Variants in SPAG16 observed in about 807,000 individuals in gnomAD.
SPAG16 encodes sperm associated antigen 16.
SPAG16 carries 86 observed loss-of-function variants against 80.4 expected under a neutral mutation model. That is an observed-to-expected ratio of 1.07 (90% CI 0.90 to 1.28). SPAG16 has a LOEUF of 1.28. Ranked by LOEUF, SPAG16 falls within the 50% of genes most tolerant of loss-of-function variation. SPAG16 has a pLI of 0.00. For synonymous variants in SPAG16, 294 were observed against 265.9 expected (o/e 1.11, Z -1.03); for missense variants, 870 against 765.3 (o/e 1.14, Z -1.61).
intron 15 of SPAG16, among the ~76,000 whole-genome samples, chr2:214,379,828 TAACA>T (rs58271674): frequency 0.31 from 46,715 of 151,898 alleles, 9,936 homozygotes; most frequent in African/African-American, 0.61. Context: ...TGCAGAGGAC[TAACA>T]AACACCAAAG....
In SPAG16 at chr2:213,947,383, AT is replaced by A. The variant is rs547315790; in HGVS notation, c.1400+17240del. The stretch of plus-strand genomic sequence containing the variant: ...ACTATCAGTATTTCTTATCTTCTCT[AT>A]TCTAACGTGTGGTGGTATCTCATAA... On this transcript the variant is annotated intron_variant, in intron 12 of 15. Transcript: ENST00000331683. 9.6e-3 allele frequency among the ~76,000 whole-genome samples: 1,456 copies of A among 152,226 alleles called. 12 individuals carry two copies. Among genetic ancestry groups the A allele is most frequent in the Middle Eastern group, 0.02 (6 of 294 alleles).
At chr2:214,365,734 A>T (rs1699437109) in intron 15 of SPAG16, among the ~76,000 whole-genome samples, 1 of 152,148 alleles carries the variant, frequency 6.6e-6, no homozygotes, top group African/African-American at 2.4e-5. Flanking sequence ...ACATTCAAAA[A>T]CAGGGTTGTA....
At chr2:213,824,457 A>G (rs1002041472) in intron 10 of SPAG16, among the ~76,000 whole-genome samples, 3 of 152,026 alleles carry the variant, frequency 2.0e-5, no homozygotes, top group African/African-American at 7.2e-5. Flanking sequence ...TGTTCTGCAT[A>G]TGGATATTCA....
intron 9 of SPAG16, among the ~76,000 whole-genome samples, chr2:213,405,904 GA>G (rs2068585140): frequency 6.6e-6 from 1 of 152,200 alleles, no homozygotes; most frequent in African/African-American, 2.4e-5. Context: ...GGGAGGATAA[GA>G]GAAAGCAAAA....
At chr2:214,368,911 A>G (rs1699649620) in intron 15 of SPAG16, among the ~76,000 whole-genome samples, 1 of 152,004 alleles carries the variant, frequency 6.6e-6, no homozygotes, top group Non-Finnish European at 1.5e-5. Context: ...ACTCTCTTTC[A>G]TATCCCCTTA....
intron 10 of SPAG16, among the ~76,000 whole-genome samples, chr2:213,608,149 T>C (rs1574476831): frequency 1.3e-5 from 2 of 152,134 alleles, no homozygotes; most frequent in South Asian, 4.1e-4. Context: ...TTCACAACCA[T>C]GATAGATATT....
At chr2:213,932,728 A>G (rs1226449983) in intron 12 of SPAG16, among the ~76,000 whole-genome samples, 1 of 152,120 alleles carries the variant, frequency 6.6e-6, no homozygotes, top group Non-Finnish European at 1.5e-5. Flanking sequence ...CTCACCAAAA[A>G]GTTGGATCAC....
At chr2:214,071,821 T>A (rs1384192966) in intron 13 of SPAG16, among the ~76,000 whole-genome samples, 1 of 152,140 alleles carries the variant, frequency 6.6e-6, no homozygotes, top group Non-Finnish European at 1.5e-5. Flanking sequence ...ACACAATTTT[T>A]GCCTTATTCT....
chr2:214,295,390 T>A (rs752153592), intron 15 of SPAG16, among the ~76,000 whole-genome samples: 3 of 152,134 alleles, frequency 2.0e-5, no homozygotes, highest in African/African-American at 2.4e-5. Context: ...TAGCATTTAT[T>A]AAGCGTATTT....
intron 10 of SPAG16, among the ~76,000 whole-genome samples, chr2:213,615,150 C>G (rs2061551505): frequency 1.3e-5 from 2 of 152,166 alleles, no homozygotes; most frequent in Non-Finnish European, 2.9e-5. Context: ...TACAGTTATT[C>G]TACTGAGATG....
chr2:213,880,874 A>G (rs1280353067), intron 11 of SPAG16, among the ~76,000 whole-genome samples: 2 of 152,158 alleles, frequency 1.3e-5, no homozygotes, highest in African/African-American at 2.4e-5. Context: ...TGGTTACTGT[A>G]GCTGTTCAGT....
chr2:214,348,826 ATATGG>A (rs1223996593), intron 15 of SPAG16, among the ~76,000 whole-genome samples: 1 of 152,192 alleles, frequency 6.6e-6, no homozygotes, highest in Non-Finnish European at 1.5e-5. Context: ...AGCTATAAGA[ATATGG>A]TAGTGGGTAT....
intron 10 of SPAG16, among the ~76,000 whole-genome samples, chr2:213,853,754 G>A (rs1478788420): frequency 6.6e-6 from 1 of 152,178 alleles, no homozygotes; most frequent in Admixed American, 6.5e-5. Context: ...TGACTTTGTG[G>A]CACTTAGGGC....
chr2:213,949,315 T>C (rs13397843), intron 12 of SPAG16, among the ~76,000 whole-genome samples: 82,207 of 150,492 alleles, frequency 0.55, 24,089 homozygotes, highest in South Asian at 0.75. Context: ...GGACTACAGG[T>C]GTGCCACCAC....
intron 13 of SPAG16, among the ~76,000 whole-genome samples, chr2:214,068,667 G>T (rs1024427694): frequency 2.0e-5 from 3 of 152,100 alleles, no homozygotes. Context: ...AAATCTCCAA[G>T]AACAGCATTG....
intron 14 of SPAG16, among the ~76,000 whole-genome samples, chr2:214,133,377 C>T (rs994390628): frequency 6.6e-6 from 1 of 152,046 alleles, no homozygotes; most frequent in Non-Finnish European, 1.5e-5. Flanking sequence ...TAAAAATGGC[C>T]TTCCAAGGCT....
intron 14 of SPAG16, among the ~76,000 whole-genome samples, chr2:214,130,244 T>A (rs1559827707): frequency 6.6e-6 from 1 of 152,142 alleles, no homozygotes; most frequent in Non-Finnish European, 1.5e-5. Flanking sequence ...CCACAGTTTA[T>A]CTTGACAACA....
chr2:214,006,919 A>G (rs2047050058), intron 12 of SPAG16, among the ~76,000 whole-genome samples: 1 of 152,170 alleles, frequency 6.6e-6, no homozygotes, highest in Admixed American at 6.5e-5. Context: ...TGTGAGCTGT[A>G]ATATATCATT....
intron 10 of SPAG16, among the ~76,000 whole-genome samples, chr2:213,543,327 A>C (rs894480332): frequency 6.6e-6 from 1 of 151,904 alleles, no homozygotes; most frequent in Non-Finnish European, 1.5e-5. Flanking sequence ...TAAATTTTAT[A>C]TATTGATCCC....
Sources: gnomAD v4.1 joint callset for allele counts (sites outside exome capture counted in the v4.1 genomes callset) on GRCh38, gnomAD v4.1.1 for gene constraint, MANE v1.5 for transcripts, NCBI Gene and HGNC (gene_info 2026-07-23, HGNC 2026-07-21) for gene names.